The following SYN3 variants were observed in gnomAD, a reference collection of about 807,000 sequenced individuals.
SYN3 encodes synapsin III, also known as synapsin-3.
A neutral mutation model predicts 65.8 loss-of-function variants in SYN3; 35 were observed. The observed-to-expected ratio is 0.53, with a 90% CI of 0.41 to 0.70. The LOEUF (loss-of-function observed/expected upper bound fraction) is 0.70, where lower values mean the gene tolerates loss of function less well. Ranked by LOEUF, SYN3 falls within the 30% of genes least tolerant of loss-of-function variation. The pLI is 0.00. For missense variants in SYN3, 680 were observed against 749.0 expected (o/e 0.91, Z 1.08); for synonymous variants, 270 against 292.9 (o/e 0.92, Z 0.80).
chr22:32,644,740 G>A (rs887125096), intron 6 of SYN3, among the ~76,000 whole-genome samples: 1 of 152,182 alleles, frequency 6.6e-6, no homozygotes, highest in Admixed American at 6.5e-5. Flanking sequence ...AATCCCCTTT[G>A]GAAGAGCAGC....
At chr22:32,753,902 G>A (rs1187795729) in intron 6 of SYN3, among the ~76,000 whole-genome samples, 2 of 152,250 alleles carry the variant, frequency 1.3e-5, no homozygotes, top group Non-Finnish European at 1.5e-5. Context: ...TGCTTGTGTG[G>A]AATTCTCATC....
chr22:32,638,917 A>T (rs182928258), intron 6 of SYN3, among the ~76,000 whole-genome samples: 10 of 152,166 alleles, frequency 6.6e-5, no homozygotes, highest in African/African-American at 2.2e-4. Flanking sequence ...GGTGTTTCCT[A>T]GGTTTTCTTC....
At chr22:32,650,258 CCTCTCT>C (rs142803609) in intron 6 of SYN3, among the ~76,000 whole-genome samples, 1 of 86,274 alleles carries the variant, frequency 1.2e-5, no homozygotes, top group South Asian at 3.7e-4. Flanking sequence ...TCCCTCCCTC[CCTCTCT>C]CTCTCTCTCT....
intron 6 of SYN3, among the ~76,000 whole-genome samples, chr22:32,678,759 T>A (rs1353102224): frequency 6.6e-6 from 1 of 152,294 alleles, no homozygotes; most frequent in South Asian, 2.1e-4. Context: ...TCAGCTTGTG[T>A]GACAGGACAA....
chr22:32,784,424 G>A (rs1310948397), intron 6 of SYN3, among the ~76,000 whole-genome samples: 1 of 152,130 alleles, frequency 6.6e-6, no homozygotes, highest in Non-Finnish European at 1.5e-5. Flanking sequence ...AGAAAATGAG[G>A]GTGAATTCCA....
intron 6 of SYN3, among the ~76,000 whole-genome samples, chr22:32,760,403 G>A (rs545325610): frequency 4.6e-5 from 7 of 152,164 alleles, no homozygotes; most frequent in South Asian, 4.1e-4. Flanking sequence ...GCTAAATCTC[G>A]TTCTCGAAGT....
chr22:32,879,610 C>T (rs573454377), intron 4 of SYN3, among the ~76,000 whole-genome samples: 2 of 152,198 alleles, frequency 1.3e-5, no homozygotes, highest in Non-Finnish European at 2.9e-5. Context: ...CTAATCACTT[C>T]CCAAAGACTT....
chr22:32,543,618 G>C (rs1208194234), intron 7 of SYN3, among the ~76,000 whole-genome samples: 1 of 152,088 alleles, frequency 6.6e-6, no homozygotes, highest in African/African-American at 2.4e-5. Flanking sequence ...TCCTTCCTTT[G>C]TTCTGGGCCT....
chr22:32,746,523 T>C (rs1223762590), intron 6 of SYN3, among the ~76,000 whole-genome samples: 1 of 152,196 alleles, frequency 6.6e-6, no homozygotes, highest in Non-Finnish European at 1.5e-5. Flanking sequence ...TGGTGAAGGC[T>C]TCACCATGGG....
intron 6 of SYN3, chr22:32,860,399 A>C (rs1238697705): frequency 6.5e-6 from 1 of 152,680 alleles, no homozygotes; most frequent in Non-Finnish European, 1.5e-5. Flanking sequence ...GCATATACCC[A>C]CATGGGGACA....
chr22:32,694,168 C>T (rs2060705394), intron 6 of SYN3, among the ~76,000 whole-genome samples: 2 of 152,114 alleles, frequency 1.3e-5, no homozygotes, highest in South Asian at 4.1e-4. Context: ...GAACTGGTTA[C>T]CATTATGCTT....
intron 6 of SYN3, among the ~76,000 whole-genome samples, chr22:32,846,626 C>T (rs2048071085): frequency 6.6e-6 from 1 of 152,236 alleles, no homozygotes; most frequent in South Asian, 2.1e-4. Flanking sequence ...TTAGCAACTT[C>T]CTGAAGGTCA....
At position 32,801,911 on chromosome 22, in the gene SYN3, G is replaced by C. The variant is rs2046593423; in HGVS notation, c.711+63004C>G. 1.4e-6 allele frequency: 2 copies of C among 1,421,306 alleles called. No individual in the cohort carries two copies. Among genetic ancestry groups the C allele is most frequent in the East Asian group, 3.0e-5 (1 of 33,160 alleles). The allele number at this position is 1,421,306 out of a possible 1,614,324, so 88.0% of individuals were successfully genotyped here. A position where few individuals can be genotyped will look rare whatever the true frequency, so the allele number is the denominator to read the frequency against. On this transcript the variant is annotated intron_variant, in intron 6 of 13. Coordinates refer to ENST00000358763, the MANE Select transcript of SYN3 (RefSeq NM_003490.4). The surrounding 1 kb of genome is among the most constrained non-coding windows in gnomAD (Gnocchi z 4.7). ...TTGCCCCGCACGGCCCGGCGGGCGA[G>C]CGAGCTCGGGCTGCAGCAGCCCCGC...
At chr22:32,672,954 G>T (rs2060391591) in intron 6 of SYN3, among the ~76,000 whole-genome samples, 1 of 152,226 alleles carries the variant, frequency 6.6e-6, no homozygotes, top group Non-Finnish European at 1.5e-5. Flanking sequence ...AGTGGCTGTT[G>T]TTTTACCAGG....
At chr22:32,778,509 G>T (rs537681599) in intron 6 of SYN3, among the ~76,000 whole-genome samples, 85 of 152,092 alleles carry the variant, frequency 5.6e-4, no homozygotes, top group African/African-American at 2.0e-3. Context: ...AGCCAGGCTG[G>T]TCTCGAACTC....
chr22:32,945,509 T>A (rs1185591879), intron 3 of SYN3, among the ~76,000 whole-genome samples: 2 of 152,174 alleles, frequency 1.3e-5, no homozygotes, highest in African/African-American at 4.8e-5. Flanking sequence ...TGAAACTGGA[T>A]CCCTTCCTTA....
intron 6 of SYN3, among the ~76,000 whole-genome samples, chr22:32,727,783 A>G (rs899956411): frequency 6.6e-6 from 1 of 152,154 alleles, no homozygotes; most frequent in Non-Finnish European, 1.5e-5. Flanking sequence ...GTCTTCTTTT[A>G]AGAAGTGTCT....
At chr22:32,997,583 G>A (rs1035924144) in intron 2 of SYN3, among the ~76,000 whole-genome samples, 2 of 151,986 alleles carry the variant, frequency 1.3e-5, no homozygotes, top group Admixed American at 6.6e-5. Context: ...CCTGCTCCTC[G>A]GCAAATGCTT....
At chr22:32,634,306 A>G (rs1038358386) in intron 6 of SYN3, among the ~76,000 whole-genome samples, 1 of 152,134 alleles carries the variant, frequency 6.6e-6, no homozygotes, top group African/African-American at 2.4e-5. Context: ...ACCAGAATCT[A>G]TGTTCCGAAC....
Sources: allele counts gnomAD v4.1 joint callset (sites outside exome capture counted in the v4.1 genomes callset), GRCh38; gene constraint gnomAD v4.1.1; non-coding constraint Gnocchi (gnomAD v3.1); transcripts MANE v1.5; gene names NCBI Gene and HGNC (gene_info 2026-07-23, HGNC 2026-07-21).